The following DGKB variants were observed in gnomAD, a reference collection of about 807,000 sequenced individuals.
DGKB encodes diacylglycerol kinase beta.
In DGKB, 67 loss-of-function variants were observed where a neutral mutation model predicts 114.3. The ratio of observed to expected loss-of-function variants is 0.59; its 90% CI spans 0.48 to 0.72. DGKB has a LOEUF of 0.72. DGKB is among the 30% of genes least tolerant of loss of function. The pLI is 0.00. For synonymous variants in DGKB, 398 were observed against 323.1 expected, an observed-to-expected ratio of 1.23 and a Z score of -2.49; for missense variants, 907 against 975.2, an observed-to-expected ratio of 0.93 and a Z score of 0.93.
chr7:14,320,175 G>A (rs904989534), intron 23 of DGKB, among the ~76,000 whole-genome samples: 22 of 152,192 alleles, frequency 1.4e-4, no homozygotes, highest in African/African-American at 4.8e-4. Context: ...GGGTCCAGCA[G>A]TGGTGGGAAC....
intron 20 of DGKB, among the ~76,000 whole-genome samples, chr7:14,529,634 T>G (rs543705584): frequency 6.6e-6 from 1 of 151,928 alleles, no homozygotes; most frequent in Non-Finnish European, 1.5e-5. Flanking sequence ...TATGAATAAT[T>G]TGACCACATC....
At chr7:14,624,975 G>C (rs907349636) in intron 14 of DGKB, among the ~76,000 whole-genome samples, 21 of 151,982 alleles carry the variant, frequency 1.4e-4, no homozygotes, top group African/African-American at 4.8e-4. Flanking sequence ...TCCATCCTGA[G>C]AGACAGAGTG....
chr7:14,387,136 T>G (rs1368376815), intron 21 of DGKB, among the ~76,000 whole-genome samples: 1 of 149,702 alleles, frequency 6.7e-6, no homozygotes, highest in Non-Finnish European at 1.5e-5. Context: ...TTAAAGACAG[T>G]GTCTTGGCTG....
chr7:14,212,268 CAT>C lies in DGKB; in HGVS notation c.2123-34119_2123-34118del, dbSNP rs1457878255. On this transcript the variant is annotated intron_variant, in intron 23 of 25. Coordinates refer to ENST00000402815, the MANE Select transcript of DGKB (RefSeq NM_001350709.2). ...CTCTCATGTTTTGTGATTTTACTCTCATGTTTTGTGATTTTACTCTCATGTTT... is the reference window on the plus strand; with the variant it reads ...CTCTCATGTTTTGTGATTTTACTCTCGTTTTGTGATTTTACTCTCATGTTT... Among the ~76,000 whole-genome samples the C allele has an allele frequency of 1.8e-3, 22 of 12,530 alleles. 7 individuals are homozygous for C. Among genetic ancestry groups the C allele is most frequent in the African/African-American group, 3.4e-3 (5 of 1,490 alleles). 8.2% of individuals were successfully genotyped at this position (12,530 alleles called of 152,430 possible). A position where few individuals can be genotyped will look rare whatever the true frequency, so the allele number is the denominator to read the frequency against.
Position 14,736,101 on chromosome 7 carries a change from T to C in DGKB, c.262A>G (p.Ser88Gly), listed in dbSNP as rs1395927919. ...DFTAHLFMSF[S>G]NKFPHSSPMV... The stretch of plus-strand genomic sequence containing the variant: ...GGACTAGAATGAGGAAACTTGTTGC[T>C]AAATGACATGAAAAGGTGTGCAGTG... The change falls in exon 5 of 26, where the codon AGC (serine) becomes GGC (glycine). Residue 88 changes from serine to glycine, a missense_variant. Around this residue, in one of 3 missense-constraint regions of DGKB, gnomAD observed 814 missense variants for 856.6 expected, o/e 0.95. Coordinates refer to ENST00000402815, the MANE Select transcript of DGKB (RefSeq NM_001350709.2). The C allele has an allele frequency of 6.2e-7, 1 of 1,610,786 alleles. No homozygotes were observed. The highest frequency in any genetic ancestry group is 1.7e-5 in the Admixed American group (1 of 59,782).
At chr7:14,723,923 A>T (rs1245698050) in intron 5 of DGKB, among the ~76,000 whole-genome samples, 1 of 152,196 alleles carries the variant, frequency 6.6e-6, no homozygotes, top group East Asian at 1.9e-4. Flanking sequence ...TGTATTTAAT[A>T]GATAATTTTA....
rs142964515 is a variant in DGKB at position 14,898,816 on chromosome 7, T to G, written c.-188+3776A>C. 6.1e-3 allele frequency among the ~76,000 whole-genome samples: 932 copies of G among 152,210 alleles called. 10 individuals carry two copies. The highest frequency in any genetic ancestry group is 0.021 in the African/African-American group (885 of 41,558). ...TGGAGCGAGTCCATTTATTCTCTGA[T>G]TTTGAAGGTAACAGCTTTTGTGCTC... On this transcript the variant is annotated intron_variant, in intron 1 of 25. Coordinates refer to ENST00000402815, the MANE Select transcript of DGKB (RefSeq NM_001350709.2).
chr7:14,196,865 G>A (rs1785096752), intron 23 of DGKB, among the ~76,000 whole-genome samples: 2 of 151,936 alleles, frequency 1.3e-5, no homozygotes, highest in South Asian at 4.2e-4. Flanking sequence ...AAATCTCTGT[G>A]AAAAAGTTTT....
At chr7:14,552,837 T>G (rs780581568) in intron 20 of DGKB, among the ~76,000 whole-genome samples, 1 of 152,182 alleles carries the variant, frequency 6.6e-6, no homozygotes, top group Non-Finnish European at 1.5e-5. Flanking sequence ...AACCAGAAAT[T>G]GATCCTGTAG....
intron 20 of DGKB, among the ~76,000 whole-genome samples, chr7:14,564,946 C>G (rs919865265): frequency 6.6e-6 from 1 of 152,014 alleles, no homozygotes; most frequent in Non-Finnish European, 1.5e-5. Flanking sequence ...TCTCGTCAGT[C>G]CACACTGATT....
intron 1 of DGKB, among the ~76,000 whole-genome samples, chr7:14,953,027 C>T (rs1287994441): frequency 6.6e-6 from 1 of 151,986 alleles, no homozygotes; most frequent in Admixed American, 6.6e-5. Flanking sequence ...AATTAGACCC[C>T]TACCTACCTC....
intron 1 of DGKB, among the ~76,000 whole-genome samples, chr7:14,898,709 G>T (rs1009628290): frequency 6.6e-6 from 1 of 152,026 alleles, no homozygotes; most frequent in African/African-American, 2.4e-5. Context: ...GAATGAATCA[G>T]GGCCAACAAT....
At chr7:14,503,795 G>C (rs746527292) in intron 20 of DGKB, among the ~76,000 whole-genome samples, 2 of 152,102 alleles carry the variant, frequency 1.3e-5, no homozygotes, top group Non-Finnish European at 2.9e-5. Context: ...GTAAGGCAGC[G>C]AGTGACTAAA....
chr7:14,536,710 A>G (rs773024243), intron 20 of DGKB, among the ~76,000 whole-genome samples: 3 of 152,274 alleles, frequency 2.0e-5, no homozygotes, highest in Non-Finnish European at 4.4e-5. Flanking sequence ...ATATCCTACA[A>G]CTAAAATCAT....
At chr7:14,645,273 G>C (rs1313818202) in intron 13 of DGKB, among the ~76,000 whole-genome samples, 1 of 152,028 alleles carries the variant, frequency 6.6e-6, no homozygotes, top group Non-Finnish European at 1.5e-5. Context: ...TCACTTTCTG[G>C]TGTGCACATA....
chr7:14,937,658 C>T (rs1785346400), intron 1 of DGKB, among the ~76,000 whole-genome samples: 1 of 151,998 alleles, frequency 6.6e-6, no homozygotes, highest in Non-Finnish European at 1.5e-5. Context: ...CTCCCTCTTC[C>T]CTGCTCTAAT....
chr7:14,334,420 A>G (rs1340167149), intron 23 of DGKB, among the ~76,000 whole-genome samples: 1 of 150,436 alleles, frequency 6.6e-6, no homozygotes, highest in African/African-American at 2.5e-5. Flanking sequence ...GTGGGTATGT[A>G]TAACTATCTA....
At chr7:14,696,664 G>A (rs1300425517) in intron 8 of DGKB, among the ~76,000 whole-genome samples, 2 of 152,116 alleles carry the variant, frequency 1.3e-5, no homozygotes, top group African/African-American at 4.8e-5. Context: ...CGATTACAAG[G>A]GCAACAGAAA....
At chr7:14,777,055 T>G (rs1838307236) in intron 2 of DGKB, among the ~76,000 whole-genome samples, 1 of 152,112 alleles carries the variant, frequency 6.6e-6, no homozygotes, top group Admixed American at 6.5e-5. Context: ...ATTTTTGAAT[T>G]TTGAGGTTTA....
Sources: allele counts gnomAD v4.1 joint callset (sites outside exome capture counted in the v4.1 genomes callset), GRCh38; gene constraint gnomAD v4.1.1; regional missense constraint gnomAD v4.1.1; transcripts MANE v1.5; gene names NCBI Gene and HGNC (gene_info 2026-07-23, HGNC 2026-07-21).